SLC9B1: variants seen among roughly 807,000 people sequenced by gnomAD.
The protein encoded by SLC9B1 is solute carrier family 9 member B1.
Under a neutral mutation model 51.7 loss-of-function variants are expected in SLC9B1, and 32 were observed. The observed-to-expected ratio is 0.62, with a 90% CI of 0.47 to 0.83. The LOEUF (loss-of-function observed/expected upper bound fraction) is 0.83, where lower values mean the gene tolerates loss of function less well. SLC9B1 is among the 40% of genes least tolerant of loss of function. SLC9B1 has a pLI of 0.00. For synonymous variants in SLC9B1, 145 were observed against 212.7 expected (o/e 0.68, Z 2.77); for missense variants, 406 against 613.2 (o/e 0.66, Z 3.57).
chr4:102,925,699 C>CAAAAAAAAAAAAAAAAAA (rs3974607), intron 7 of SLC9B1, among the ~76,000 whole-genome samples: 1 of 137,352 alleles, frequency 7.3e-6, no homozygotes. Context: ...TTCTTTTGTC[C>CAAAAAAAAAAAAAAAAAA]AAAAAAAAAA....
chr4:102,981,099 T>G (rs1278286250), intron 3 of SLC9B1, among the ~76,000 whole-genome samples: 1 of 152,180 alleles, frequency 6.6e-6, no homozygotes, highest in African/African-American at 2.4e-5. Flanking sequence ...TCGCACAGAA[T>G]GTAGCTATTT....
At chr4:102,979,604 T>C (rs1005725322) in intron 3 of SLC9B1, among the ~76,000 whole-genome samples, 5 of 152,196 alleles carry the variant, frequency 3.3e-5, no homozygotes, top group Admixed American at 2.6e-4. Context: ...GAGATCTTAC[T>C]TGGGGGAAGC....
In SLC9B1 at chr4:102,932,158, T is replaced by C. The variant is rs778397474; in HGVS notation, c.795A>G (p.Gly265=). ...AGACTATGCTCAAGCATGTATTGAA[T>C]CCAGTGATAGCCAGAATGTCATCCA... ...SSMDDILAIT[G]FNTCLSIVFS... Residue 265 remains glycine (G), a synonymous_variant, in exon 7 of 12, where the codon GGA becomes GGG. Coordinates refer to ENST00000296422, the MANE Select transcript of SLC9B1 (RefSeq NM_139173.4). 7 of 1,611,832 alleles carry C rather than the reference T, an allele frequency of 4.3e-6. No individual in the cohort carries two copies. In the African/African-American group the frequency reaches 9.4e-5, roughly 22 times the overall value.
chr4:102,923,445 C>G (rs1392846827), intron 7 of SLC9B1, among the ~76,000 whole-genome samples: 1 of 152,174 alleles, frequency 6.6e-6, no homozygotes, highest in Non-Finnish European at 1.5e-5. Context: ...GACAAACCCA[C>G]AGCCAATATC....
chr4:102,886,589 A>AT (rs1733931360), intron 11 of SLC9B1, among the ~76,000 whole-genome samples: 2 of 152,090 alleles, frequency 1.3e-5, no homozygotes, highest in Non-Finnish European at 2.9e-5. Context: ...TTATGAGTGA[A>AT]TTTTTTAAAA....
intron 3 of SLC9B1, among the ~76,000 whole-genome samples, chr4:102,966,350 C>T (rs1362922190): frequency 2.0e-5 from 3 of 152,252 alleles, no homozygotes; most frequent in Admixed American, 6.5e-5. Flanking sequence ...CTACACTTCT[C>T]TTGTATTCTG....
At chr4:102,922,668 A>G (rs1735940714) in intron 7 of SLC9B1, among the ~76,000 whole-genome samples, 2 of 152,196 alleles carry the variant, frequency 1.3e-5, no homozygotes, top group African/African-American at 4.8e-5. Flanking sequence ...AGCAAGCCTA[A>G]TAAAGAAGAA....
In SLC9B1 at chr4:102,991,726, G is replaced by GA; in HGVS notation, c.-1-15dup. ...GTGGTATGCATGCTAAGATTTAAAA[G>GA]AAAAATACTTTAAAAGAAGAAACAA... On this transcript the variant is annotated splice_polypyrimidine_tract_variant and intron_variant, in intron 1 of 11. Transcript: ENST00000296422. 2 of 1,521,750 alleles carry GA rather than the reference G, an allele frequency of 1.3e-6. No individual in the cohort carries two copies. The highest frequency in any genetic ancestry group is 1.8e-6 in the Non-Finnish European group (2 of 1,123,650). The allele number at this position is 1,521,750 out of a possible 1,614,324, so 94.3% of individuals were successfully genotyped here. A position where few individuals can be genotyped will look rare whatever the true frequency, so the allele number is the denominator to read the frequency against.
chr4:102,983,581 A>G (rs1354913184), intron 3 of SLC9B1, among the ~76,000 whole-genome samples: 1 of 152,136 alleles, frequency 6.6e-6, no homozygotes, highest in East Asian at 1.9e-4. Context: ...GCCTATTCAT[A>G]TTATCCACTT....
At chr4:102,920,938 G>A (rs1353041992) in intron 7 of SLC9B1, among the ~76,000 whole-genome samples, 5 of 152,196 alleles carry the variant, frequency 3.3e-5, no homozygotes, top group Admixed American at 6.5e-5. Flanking sequence ...CATTTGATTG[G>A]TGTACCTGAA....
chr4:102,945,687 T>G (rs2110472971), intron 5 of SLC9B1, among the ~76,000 whole-genome samples: 1 of 152,252 alleles, frequency 6.6e-6, no homozygotes, highest in African/African-American at 2.4e-5. Context: ...ACTTAATAAG[T>G]ATAAATAGAA....
chr4:102,949,659 T>A (rs1227667641), intron 3 of SLC9B1, among the ~76,000 whole-genome samples: 1 of 152,156 alleles, frequency 6.6e-6, no homozygotes, highest in African/African-American at 2.4e-5. Flanking sequence ...ACTTTAAAAA[T>A]ATTTAAAACC....
At chr4:102,902,999 A>C (rs1734857417) in intron 11 of SLC9B1, among the ~76,000 whole-genome samples, 2 of 152,208 alleles carry the variant, frequency 1.3e-5, no homozygotes, top group African/African-American at 4.8e-5. Flanking sequence ...TTGTGACATT[A>C]TCGTTATCTA....
At chr4:102,909,755 C>A (rs867055747) in intron 9 of SLC9B1, among the ~76,000 whole-genome samples, 3 of 152,386 alleles carry the variant, frequency 2.0e-5, no homozygotes, top group African/African-American at 7.2e-5. Context: ...ATAAAGAAAT[C>A]TTTTACATTT....
intron 1 of SLC9B1, among the ~76,000 whole-genome samples, chr4:103,013,314 A>G (rs1393549467): frequency 6.6e-6 from 1 of 152,208 alleles, no homozygotes; most frequent in Admixed American, 6.5e-5. Context: ...TGCAATGCAC[A>G]CTACATAAAC....
chr4:102,985,764 A>T (rs942630785), intron 3 of SLC9B1, among the ~76,000 whole-genome samples: 2 of 152,112 alleles, frequency 1.3e-5, no homozygotes, highest in Non-Finnish European at 2.9e-5. Context: ...ACCTCAAGTG[A>T]TCCACCCACC....
intron 3 of SLC9B1, among the ~76,000 whole-genome samples, chr4:102,959,934 C>T (rs1159623274): frequency 6.6e-6 from 1 of 151,998 alleles, no homozygotes; most frequent in Non-Finnish European, 1.5e-5. Context: ...AACAAATCCA[C>T]ATGACACAAG....
chr4:102,886,862 A>G (rs992928412), intron 11 of SLC9B1, among the ~76,000 whole-genome samples: 4 of 152,196 alleles, frequency 2.6e-5, no homozygotes, highest in Non-Finnish European at 4.4e-5. Flanking sequence ...TGATTTGTCT[A>G]CCTCTGCCTC....
intron 3 of SLC9B1, among the ~76,000 whole-genome samples, chr4:102,986,770 C>A (rs955902688): frequency 6.6e-6 from 1 of 152,170 alleles, no homozygotes; most frequent in Admixed American, 6.6e-5. Flanking sequence ...ATAAGCCCAT[C>A]AAAGGCATTC....
Sources: allele counts gnomAD v4.1 joint callset (sites outside exome capture counted in the v4.1 genomes callset), GRCh38; gene constraint gnomAD v4.1.1; transcripts MANE v1.5; gene names NCBI Gene and HGNC (gene_info 2026-07-23, HGNC 2026-07-21).